BCKDHB: variants seen among roughly 807,000 people sequenced by gnomAD.
BCKDHB encodes the protein branched chain keto acid dehydrogenase E1 subunit beta.
A neutral mutation model predicts 48.5 loss-of-function variants in BCKDHB; 41 were observed. That is an observed-to-expected ratio of 0.85 (90% CI 0.66 to 1.10). The LOEUF (loss-of-function observed/expected upper bound fraction) is 1.10. Ranked by LOEUF, BCKDHB falls within the 50% of genes least tolerant of loss-of-function variation. The pLI is 0.00. For missense variants in BCKDHB, 496 were observed against 494.2 expected, an observed-to-expected ratio of 1.00 and a Z score of -0.03; for synonymous variants, 201 against 174.8, an observed-to-expected ratio of 1.15 and a Z score of -1.18.
At chr6:80,328,903 A>T (rs1342553053) in intron 9 of BCKDHB, among the ~76,000 whole-genome samples, 1 of 152,210 alleles carries the variant, frequency 6.6e-6, no homozygotes, top group Non-Finnish European at 1.5e-5. Context: ...TGCCAAAGAT[A>T]CAATAGACAA....
chr6:80,256,868 A>T (rs1383024767), intron 8 of BCKDHB, among the ~76,000 whole-genome samples: 1 of 152,206 alleles, frequency 6.6e-6, no homozygotes, highest in Non-Finnish European at 1.5e-5. Context: ...AAATGGCAAC[A>T]TATGGTTCAA....
chr6:80,408,827 T>C, the BCKDHB span, among the ~76,000 whole-genome samples: 1 of 150,072 alleles, frequency 6.7e-6, no homozygotes, highest in Non-Finnish European at 1.5e-5. Context: ...AAACAGCTCC[T>C]GGATTCATTG....
chr6:80,109,779 G>A (rs1201197388), intron 1 of BCKDHB, among the ~76,000 whole-genome samples: 2 of 152,112 alleles, frequency 1.3e-5, no homozygotes, highest in Non-Finnish European at 2.9e-5. Flanking sequence ...TTTTCCAGGT[G>A]TTGTGTTAGA....
chr6:80,306,622 C>T (rs565424931), intron 9 of BCKDHB, among the ~76,000 whole-genome samples: 7 of 152,284 alleles, frequency 4.6e-5, no homozygotes, highest in African/African-American at 1.7e-4. Context: ...TGTTGATAGA[C>T]ACCAACAAAT....
At chr6:80,298,346 T>G (rs1767371133) in intron 9 of BCKDHB, among the ~76,000 whole-genome samples, 1 of 152,160 alleles carries the variant, frequency 6.6e-6, no homozygotes, top group Non-Finnish European at 1.5e-5. Flanking sequence ...TGGCCTCAAG[T>G]GATCCACTTG....
At chr6:80,347,270 G>C (rs1054810645), downstream of BCKDHB, among the ~76,000 whole-genome samples, 1 of 152,176 alleles carries the variant, frequency 6.6e-6, no homozygotes, top group Non-Finnish European at 1.5e-5. Flanking sequence ...GTACAGCATA[G>C]GAAGGGAAAA....
At chr6:80,195,450 A>G (rs1258268500) in intron 6 of BCKDHB, among the ~76,000 whole-genome samples, 2 of 152,188 alleles carry the variant, frequency 1.3e-5, no homozygotes, top group Non-Finnish European at 2.9e-5. Context: ...TAATAACCTC[A>G]AAGCTGAAAG....
At chr6:80,335,869 G>A (rs971765451) in intron 9 of BCKDHB, among the ~76,000 whole-genome samples, 2 of 151,958 alleles carry the variant, frequency 1.3e-5, no homozygotes, top group Admixed American at 6.6e-5. Flanking sequence ...GTTTATATGA[G>A]GTGCTAGTTC....
intron 3 of BCKDHB, among the ~76,000 whole-genome samples, chr6:80,167,334 A>T (rs1772627187): frequency 6.6e-6 from 1 of 151,634 alleles, no homozygotes; most frequent in African/African-American, 2.4e-5. Context: ...TTAGTGTGAC[A>T]GTTTTTATTT....
At position 80,149,402 on chromosome 6, in the gene BCKDHB, A is replaced by T. The variant is rs138287411; in HGVS notation, c.344-18276A>T. ...TAAACTGGTTCAACCATTGTGGAAG[A>T]CAGTGTGGCGATTCCTCAGGGACCT... On this transcript the variant is annotated intron_variant, in intron 3 of 9. Transcript: ENST00000320393. Among the ~76,000 whole-genome samples the T allele has an allele frequency of 1.7e-3, 259 of 152,320 alleles. 1 individual carries two copies. Among genetic ancestry groups the T allele is most frequent in the African/African-American group, 5.9e-3 (245 of 41,566 alleles).
At chr6:80,244,667 T>A (rs2127921551) in intron 8 of BCKDHB, among the ~76,000 whole-genome samples, 1 of 152,282 alleles carries the variant, frequency 6.6e-6, no homozygotes, top group East Asian at 1.9e-4. Context: ...ATGGAAGAAA[T>A]TAGTTTCTTT....
the BCKDHB span, among the ~76,000 whole-genome samples, chr6:80,365,337 G>A: frequency 6.6e-6 from 1 of 152,124 alleles, no homozygotes; most frequent in Non-Finnish European, 1.5e-5. Flanking sequence ...ACCCTAGTAA[G>A]CCTGAGGGTA....
At chr6:80,244,171 C>G (rs1776508811) in intron 8 of BCKDHB, among the ~76,000 whole-genome samples, 1 of 152,092 alleles carries the variant, frequency 6.6e-6, no homozygotes, top group African/African-American at 2.4e-5. Flanking sequence ...TGTTTGATGA[C>G]AGATGAAAGT....
intron 6 of BCKDHB, among the ~76,000 whole-genome samples, chr6:80,187,223 G>A (rs1192268403): frequency 6.6e-6 from 1 of 152,070 alleles, no homozygotes; most frequent in African/African-American, 2.4e-5. Context: ...TTTCTTTGCA[G>A]TATCATTTGA....
chr6:80,335,001 G>A (rs4706837), intron 9 of BCKDHB, among the ~76,000 whole-genome samples: 117,632 of 151,606 alleles, frequency 0.78, 46,007 homozygotes, highest in Admixed American at 0.84. Flanking sequence ...ACTCTATTCT[G>A]GTAGTTTCGT....
chr6:80,112,099 C>A (rs1769441157), intron 1 of BCKDHB, among the ~76,000 whole-genome samples: 1 of 152,162 alleles, frequency 6.6e-6, no homozygotes, highest in Non-Finnish European at 1.5e-5. Context: ...ATGAGCGCTC[C>A]TTTAATTATA....
At chr6:80,423,848 A>T in the BCKDHB span, among the ~76,000 whole-genome samples, 1 of 152,206 alleles carries the variant, frequency 6.6e-6, no homozygotes, top group Non-Finnish European at 1.5e-5. Context: ...TGCTGCATTC[A>T]GAAATTTTCT....
At chr6:80,283,488 T>C (rs1766470169) in intron 9 of BCKDHB, among the ~76,000 whole-genome samples, 1 of 152,134 alleles carries the variant, frequency 6.6e-6, no homozygotes, top group Non-Finnish European at 1.5e-5. Flanking sequence ...ACTCTTTCTC[T>C]GTTGTCACCC....
At chr6:80,462,483 T>C in the BCKDHB span, among the ~76,000 whole-genome samples, 2 of 152,204 alleles carry the variant, frequency 1.3e-5, no homozygotes, top group African/African-American at 2.4e-5. Context: ...TTTTCTTAGC[T>C]GATGTGCCTT....
Sources: gnomAD v4.1 joint callset for allele counts (sites outside exome capture counted in the v4.1 genomes callset) on GRCh38, gnomAD v4.1.1 for gene constraint, MANE v1.5 for transcripts, NCBI Gene and HGNC (gene_info 2026-07-23, HGNC 2026-07-21) for gene names.